The following ACVR1C variants were observed in gnomAD, a reference collection of about 807,000 sequenced individuals.
The protein encoded by ACVR1C is activin A receptor type 1C.
A neutral mutation model predicts 57.9 loss-of-function variants in ACVR1C; 23 were observed. The observed-to-expected ratio is 0.40, with a 90% CI of 0.29 to 0.56. ACVR1C has a LOEUF of 0.56. ACVR1C is among the 20% of genes least tolerant of loss of function. ACVR1C has a pLI of 0.50. For missense variants in ACVR1C, 480 were observed against 607.9 expected (o/e 0.79, Z 2.21); for synonymous variants, 214 against 215.3 (o/e 0.99, Z 0.05).
At chr2:157,550,082 A>G (rs1036624409) in intron 4 of ACVR1C, 80 bp downstream of exon 4, 2 of 1,234,328 alleles carry the variant, frequency 1.6e-6, no homozygotes, top group Non-Finnish European at 2.3e-6. Flanking sequence ...ATCTGATACT[A>G]GACAACATTT....
intron 7 of ACVR1C, among the ~76,000 whole-genome samples, chr2:157,539,559 A>T (rs1423769899): frequency 6.6e-6 from 1 of 152,212 alleles, no homozygotes; most frequent in East Asian, 1.9e-4. Flanking sequence ...GCAAATCTAG[A>T]CTAATATCAA....
intron 1 of ACVR1C, among the ~76,000 whole-genome samples, chr2:157,597,970 G>GT (rs1682178266): frequency 1.3e-5 from 2 of 152,072 alleles, no homozygotes; most frequent in African/African-American, 2.4e-5. Context: ...TTTCTAAATT[G>GT]TAAGAAGAAA....
At chr2:157,581,866 ATTTC>A (rs1688800145) in intron 2 of ACVR1C, among the ~76,000 whole-genome samples, 1 of 152,214 alleles carries the variant, frequency 6.6e-6, no homozygotes, top group Non-Finnish European at 1.5e-5. Flanking sequence ...ACATTTCTAT[ATTTC>A]CTGTTTTGTG....
intron 1 of ACVR1C, among the ~76,000 whole-genome samples, chr2:157,624,108 C>T (rs565574608): frequency 1.3e-5 from 2 of 152,256 alleles, no homozygotes; most frequent in East Asian, 3.9e-4. Flanking sequence ...TTATAGGACA[C>T]TACAGATCTC....
chr2:157,620,565 C>A (rs1171397345), intron 1 of ACVR1C, among the ~76,000 whole-genome samples: 2 of 151,918 alleles, frequency 1.3e-5, no homozygotes, highest in East Asian at 3.9e-4. Context: ...ATTAACATCT[C>A]TTGGATACGT....
In ACVR1C at chr2:157,556,058, T is replaced by C. The variant is rs976453846; in HGVS notation, c.544+35A>G. 15 of 1,582,000 alleles carry C rather than the reference T, an allele frequency of 9.5e-6. No homozygotes were observed. In the Admixed American group the frequency reaches 1.3e-4, roughly 14 times the overall value. On this transcript the variant is annotated intron_variant, in intron 3 of 8. Transcript: ENST00000243349. ...TTATTTACTTTTAAATAAAAGTGTT[T>C]TCTTATTTTAAAAAAATGGACAATG...
chr2:157,617,332 A>G (rs181625898), intron 1 of ACVR1C, among the ~76,000 whole-genome samples: 25 of 152,218 alleles, frequency 1.6e-4, no homozygotes, highest in Admixed American at 8.5e-4. Context: ...AGACAAATAC[A>G]TAAGTATAGC....
At position 157,529,360 on chromosome 2, in the gene ACVR1C, AC is replaced by A. The variant is rs1314387128; in HGVS notation, c.*4557del. On this transcript the variant is annotated 3_prime_UTR_variant, in exon 9 of 9. Coordinates refer to ENST00000243349, the MANE Select transcript of ACVR1C (RefSeq NM_145259.3). ...TAGCCTAGTTTAGTTTTTCTCATTGACCTCACTCTGAGTGAGTAAATTATTT... is the reference window on the plus strand; with the variant it reads ...TAGCCTAGTTTAGTTTTTCTCATTGACTCACTCTGAGTGAGTAAATTATTT... The A allele has an allele frequency of 6.6e-6, 1 of 152,134 alleles. No individual in the cohort carries two copies. The highest frequency in any genetic ancestry group is 1.5e-5 in the Non-Finnish European group (1 of 67,994). 9.4% of individuals were successfully genotyped at this position (152,134 alleles called of 1,614,324 possible).
At chr2:157,612,958 C>T (rs1461341132) in intron 1 of ACVR1C, among the ~76,000 whole-genome samples, 4 of 152,186 alleles carry the variant, frequency 2.6e-5, no homozygotes, top group Non-Finnish European at 4.4e-5. Context: ...ATGTGTGTGA[C>T]CCAGTACAAG....
chr2:157,588,817 C>T (rs1325254095), intron 1 of ACVR1C, among the ~76,000 whole-genome samples: 1 of 138,518 alleles, frequency 7.2e-6, no homozygotes, highest in African/African-American at 2.6e-5. Context: ...ATATGCCACA[C>T]ATATATACAC....
At chr2:157,620,288 G>A (rs539475046) in intron 1 of ACVR1C, among the ~76,000 whole-genome samples, 1 of 152,158 alleles carries the variant, frequency 6.6e-6, no homozygotes, top group African/African-American at 2.4e-5. Context: ...ACAAATGACA[G>A]ATTGCAAGTA....
chr2:157,572,704 T>A (rs1015614156), intron 2 of ACVR1C, among the ~76,000 whole-genome samples: 5 of 152,224 alleles, frequency 3.3e-5, no homozygotes, highest in African/African-American at 1.2e-4. Flanking sequence ...TGTACTTGTT[T>A]CTGGAGACAA....
intron 2 of ACVR1C, among the ~76,000 whole-genome samples, chr2:157,560,298 T>G (rs1248476101): frequency 6.6e-6 from 1 of 152,224 alleles, no homozygotes; most frequent in Non-Finnish European, 1.5e-5. Context: ...AAAATATTGA[T>G]GTTTATGAGA....
At chr2:157,580,218 T>C (rs149389750) in intron 2 of ACVR1C, among the ~76,000 whole-genome samples, 52 of 152,316 alleles carry the variant, frequency 3.4e-4, no homozygotes, top group African/African-American at 1.2e-3. Context: ...TTTATTTATG[T>C]TATCTTTTAT....
In ACVR1C at chr2:157,566,115, T is replaced by C. The variant is rs1041702032; in HGVS notation, c.305-9783A>G. Among the ~76,000 whole-genome samples the C allele has an allele frequency of 2.0e-5, 3 of 152,228 alleles. No homozygotes were observed. In the East Asian group the frequency reaches 5.8e-4, roughly 29 times the overall value. On this transcript the variant is annotated intron_variant, in intron 2 of 8. Transcript: ENST00000243349. Reference sequence around the variant, plus strand: ...TATCAAAACACATATTCTCAAATAATGCATGTCTGTAAATAACTTAGATAG... The same window carrying C: ...TATCAAAACACATATTCTCAAATAACGCATGTCTGTAAATAACTTAGATAG...
rs918578452 is a variant in ACVR1C, at chr2:157,529,631, A to G, written c.*4287T>C. On this transcript the variant is annotated 3_prime_UTR_variant, in exon 9 of 9. Coordinates refer to ENST00000243349, the MANE Select transcript of ACVR1C (RefSeq NM_145259.3). ...CTACACAAAATTGGAATAACTTTATATAATCTCTGAGAGTACTAAGGGATT... is the reference window on the plus strand; with the variant it reads ...CTACACAAAATTGGAATAACTTTATGTAATCTCTGAGAGTACTAAGGGATT... 1.3e-5 allele frequency: 2 copies of G among 152,108 alleles called. No homozygotes were observed. The highest frequency in any genetic ancestry group is 2.1e-4 in the South Asian group (1 of 4,830). 9.4% of individuals were successfully genotyped at this position (152,108 alleles called of 1,614,324 possible).
chr2:157,537,853 A>T (rs771654220), intron 8 of ACVR1C, among the ~76,000 whole-genome samples: 1 of 152,230 alleles, frequency 6.6e-6, no homozygotes, highest in Non-Finnish European at 1.5e-5. Flanking sequence ...CAAGCATTGC[A>T]ATAACCACTT....
At chr2:157,583,301 A>G (rs1161840078) in intron 2 of ACVR1C, among the ~76,000 whole-genome samples, 1 of 152,264 alleles carries the variant, frequency 6.6e-6, no homozygotes, top group Non-Finnish European at 1.5e-5. Context: ...AACATGCACT[A>G]GAGATAAAGT....
chr2:157,554,451 G>A (rs139342365), intron 3 of ACVR1C, among the ~76,000 whole-genome samples: 331 of 151,484 alleles, frequency 2.2e-3, no homozygotes, highest in African/African-American at 7.8e-3. Flanking sequence ...GGTGCCAGTC[G>A]TCTAGCCAAT....
Sources: gnomAD v4.1 joint callset for allele counts (sites outside exome capture counted in the v4.1 genomes callset) on GRCh38, gnomAD v4.1.1 for gene constraint, MANE v1.5 for transcripts, NCBI Gene and HGNC (gene_info 2026-07-23, HGNC 2026-07-21) for gene names.